Variants in FAM3D observed in about 807,000 individuals in gnomAD.
FAM3D encodes protein FAM3D.
In FAM3D, 26 loss-of-function variants were observed where a neutral mutation model predicts 29.8. That is an observed-to-expected ratio of 0.87 (90% CI 0.64 to 1.21). The LOEUF (loss-of-function observed/expected upper bound fraction) is 1.21. Ranked by LOEUF, FAM3D falls within the 50% of genes most tolerant of loss-of-function variation. The pLI is 0.00. For missense variants in FAM3D, 253 were observed against 290.9 expected, an observed-to-expected ratio of 0.87 and a Z score of 0.95; for synonymous variants, 115 against 102.3, an observed-to-expected ratio of 1.12 and a Z score of -0.75.
chr3:58,658,178 C>T (rs889498330), intron 1 of FAM3D, among the ~76,000 whole-genome samples: 2 of 152,228 alleles, frequency 1.3e-5, no homozygotes, highest in African/African-American at 2.4e-5. Flanking sequence ...GACTGCAGGT[C>T]AGCCGTGTGT....
At chr3:58,660,024 G>T (rs1192404584) in intron 1 of FAM3D, among the ~76,000 whole-genome samples, 1 of 152,214 alleles carries the variant, frequency 6.6e-6, no homozygotes, top group African/African-American at 2.4e-5. Flanking sequence ...CAGCAATGCT[G>T]CTTGGGCAAG....
intron 1 of FAM3D, among the ~76,000 whole-genome samples, chr3:58,665,993 T>C (rs2067023082): frequency 6.6e-6 from 1 of 152,228 alleles, no homozygotes; most frequent in Non-Finnish European, 1.5e-5. Flanking sequence ...ATTACATAGC[T>C]AGAAAATCTC....
At chr3:58,655,293 C>T (rs532425267) in intron 2 of FAM3D, among the ~76,000 whole-genome samples, 1 of 152,230 alleles carries the variant, frequency 6.6e-6, no homozygotes, top group South Asian at 2.1e-4. Flanking sequence ...TCTCTAATTT[C>T]CAACCAGGCC....
chr3:58,644,770 T>C (rs1247830305), intron 5 of FAM3D, among the ~76,000 whole-genome samples: 1 of 151,500 alleles, frequency 6.6e-6, no homozygotes, highest in East Asian at 1.9e-4. Flanking sequence ...CCCTTGCAAG[T>C]AGAAAAAAAA....
chr3:58,649,510 A>C, intron 3 of FAM3D, 172 bp from the exon 4 acceptor site: 1 of 687,954 alleles, frequency 1.5e-6, no homozygotes. Flanking sequence ...ACATACACAC[A>C]CAGCACACAT....
chr3:58,661,310 T>C lies in FAM3D; in HGVS notation c.-39+5266A>G, dbSNP rs550711068. Among the ~76,000 whole-genome samples the C allele has an allele frequency of 3.3e-5, 5 of 152,188 alleles. No homozygotes were observed. In the East Asian group the frequency reaches 9.7e-4, roughly 29 times the overall value. ...AGGTGAGGGAGAAGGGAGCCTCCCA[T>C]GGGATAAGAGTGAGTTTCTAAGATT... On this transcript the variant is annotated intron_variant, in intron 1 of 9. Transcript: ENST00000358781.
At chr3:58,660,909 T>C (rs773482534) in intron 1 of FAM3D, among the ~76,000 whole-genome samples, 19 of 152,196 alleles carry the variant, frequency 1.2e-4, no homozygotes, top group Non-Finnish European at 2.6e-4. Flanking sequence ...GAGTCAAAGA[T>C]AGAAAAGATC....
chr3:58,640,698 C>G (rs1284279509), intron 6 of FAM3D, among the ~76,000 whole-genome samples: 1 of 152,256 alleles, frequency 6.6e-6, no homozygotes, highest in Non-Finnish European at 1.5e-5. Flanking sequence ...GGTCCAGTAA[C>G]CTGGATTGCG....
chr3:58,640,091 C>T (rs757435326), intron 7 of FAM3D, 36 bp downstream of exon 7: 1 of 1,612,596 alleles, frequency 6.2e-7, no homozygotes, highest in East Asian at 2.2e-5. Flanking sequence ...GCACCGCACC[C>T]CCGACTGTGA....
At chr3:58,645,246 C>A (rs1454744335) in intron 5 of FAM3D, among the ~76,000 whole-genome samples, 1 of 152,194 alleles carries the variant, frequency 6.6e-6, no homozygotes, top group Non-Finnish European at 1.5e-5. Context: ...CTATCCTCAT[C>A]TTTACATTCT....
At position 58,655,362 on chromosome 3, in the gene FAM3D, A is replaced by T. The variant is rs1250811912; in HGVS notation, c.13+189T>A. Among the ~76,000 whole-genome samples, 3 of 152,262 alleles carry T rather than the reference A, an allele frequency of 2.0e-5. No homozygotes were observed. The East Asian group carries it at 5.8e-4, about 29-fold the overall frequency. ...CAGCCATGTGGGGCCTCTGTGCAAA[A>T]GTTCCTCATGCCTTTCAGCCTAGAG... On this transcript the variant is annotated intron_variant, in intron 2 of 9. Coordinates refer to ENST00000358781, the MANE Select transcript of FAM3D (RefSeq NM_138805.3).
chr3:58,636,437 A>G lies in FAM3D; in HGVS notation c.459-17T>C, dbSNP rs750848540. 4 of 1,613,038 alleles carry G rather than the reference A, an allele frequency of 2.5e-6. No individual in the cohort carries two copies. In the Admixed American group the frequency reaches 6.7e-5, roughly 27 times the overall value. On this transcript the variant is annotated splice_polypyrimidine_tract_variant and intron_variant, in intron 8 of 9. Transcript: ENST00000358781. Reference sequence around the variant, plus strand: ...TCGTTCATTCTGCAGAGGACCAGAGAGGATGGTCAGGATGCGGGGGTGGGT... The same window carrying G: ...TCGTTCATTCTGCAGAGGACCAGAGGGGATGGTCAGGATGCGGGGGTGGGT...
chr3:58,641,882 A>C, intron 6 of FAM3D, among the ~76,000 whole-genome samples: 1 of 152,220 alleles, frequency 6.6e-6, no homozygotes, highest in Admixed American at 6.5e-5. Context: ...GAGAATATTC[A>C]AAAAGCTTTT....
intron 6 of FAM3D, among the ~76,000 whole-genome samples, chr3:58,642,057 A>C (rs749982302): frequency 5.3e-5 from 8 of 152,150 alleles, no homozygotes; most frequent in Non-Finnish European, 1.2e-4. Flanking sequence ...CATGCACAAA[A>C]GAGCGCTCTG....
intron 8 of FAM3D, 113 bp downstream of exon 8, chr3:58,637,028 G>T: frequency 3.5e-6 from 3 of 852,024 alleles, no homozygotes; most frequent in South Asian, 1.6e-5. Flanking sequence ...TAATTTCCTC[G>T]AGATAAGTTG....
intron 3 of FAM3D, among the ~76,000 whole-genome samples, chr3:58,651,328 C>CTTATTAAAATAAAATA (rs1318358601): frequency 6.6e-6 from 1 of 152,186 alleles, no homozygotes; most frequent in Non-Finnish European, 1.5e-5. Flanking sequence ...AGGGTATGTG[C>CTTATTAAAATAAAATA]ACTCAGGTTA....
intron 7 of FAM3D, among the ~76,000 whole-genome samples, chr3:58,638,080 C>T (rs570295719): frequency 6.6e-6 from 1 of 152,232 alleles, no homozygotes; most frequent in Admixed American, 6.5e-5. Context: ...ATTGGAGTTT[C>T]TCCATGTTGG....
chr3:58,656,674 C>T (rs2066810807), intron 1 of FAM3D, among the ~76,000 whole-genome samples: 1 of 152,168 alleles, frequency 6.6e-6, no homozygotes, highest in Non-Finnish European at 1.5e-5. Flanking sequence ...TGACCTCTCC[C>T]ACAACTCTTC....
intron 3 of FAM3D, among the ~76,000 whole-genome samples, chr3:58,650,754 G>A (rs992935091): frequency 2.6e-5 from 4 of 152,084 alleles, no homozygotes; most frequent in Non-Finnish European, 5.9e-5. Flanking sequence ...GTCTCGCTCC[G>A]TCGCCCAGGC....
Sources: gnomAD v4.1 joint callset for allele counts (sites outside exome capture counted in the v4.1 genomes callset) on GRCh38, gnomAD v4.1.1 for gene constraint, MANE v1.5 for transcripts, NCBI Gene and HGNC (gene_info 2026-07-23, HGNC 2026-07-21) for gene names.